NLGN4X: variants seen among roughly 807,000 people sequenced by gnomAD.
NLGN4X encodes the protein neuroligin-4, X-linked.
In NLGN4X, 3 loss-of-function variants were observed where a neutral mutation model predicts 40.3. That is an observed-to-expected ratio of 0.07 (90% CI 0.03 to 0.19). The LOEUF (loss-of-function observed/expected upper bound fraction) is 0.19. Among genes scored for constraint, NLGN4X ranks in the 10% least tolerant of loss-of-function variants. The pLI, the probability that NLGN4X is intolerant of heterozygous loss-of-function variation, is 1.00. For synonymous variants in NLGN4X, 270 were observed against 306.8 expected (o/e 0.88, Z 1.25); for missense variants, 382 against 708.3 (o/e 0.54, Z 5.23).
intron 5 of NLGN4X, among the ~76,000 whole-genome samples, chrX:5,895,789 T>C (rs183809954): frequency 8.9e-6 from 1 of 111,775 alleles, no homozygotes; most frequent in African/African-American, 3.2e-5. Flanking sequence ...AGTTTTCTTA[T>C]TTACTGATAA....
At chrX:6,002,552 T>C (rs2147131978) in intron 3 of NLGN4X, among the ~76,000 whole-genome samples, 1 of 112,545 alleles carries the variant, frequency 8.9e-6, no homozygotes, top group African/African-American at 3.2e-5. Flanking sequence ...ATTAAACGTT[T>C]TTGAACTTCC....
At chrX:6,062,573 T>A (rs2037797599) in intron 2 of NLGN4X, among the ~76,000 whole-genome samples, 1 of 111,483 alleles carries the variant, frequency 9.0e-6, no homozygotes, top group Non-Finnish European at 1.9e-5. Flanking sequence ...ATCTTACTGC[T>A]TGATATGGTT....
At chrX:6,145,849 G>A (rs188694626) in intron 2 of NLGN4X, among the ~76,000 whole-genome samples, 4 of 111,229 alleles carry the variant, frequency 3.6e-5, no homozygotes, top group Non-Finnish European at 7.5e-5. Context: ...TGGGCCCAGT[G>A]CAATGGCTTA....
chrX:6,100,141 T>C (rs772613223), intron 2 of NLGN4X, among the ~76,000 whole-genome samples: 1 of 112,882 alleles, frequency 8.9e-6, no homozygotes, highest in Non-Finnish European at 1.9e-5. Context: ...AGCAGGAGCA[T>C]GTCCTTAAGG....
In NLGN4X at chrX:5,935,762, T is replaced by C. The variant is rs193002671; in HGVS notation, c.626-26523A>G. ...CATATATCAGTGAACACAAATAAAC[T>C]ACAGCTCCAAGCATCTTCATGGTTA... On this transcript the variant is annotated intron_variant, in intron 3 of 5. Coordinates refer to ENST00000381095, the MANE Select transcript of NLGN4X (RefSeq NM_181332.3). 3.2e-3 allele frequency among the ~76,000 whole-genome samples: 362 copies of C among 111,700 alleles called. 3 individuals are homozygous for C. Among genetic ancestry groups the C allele is most frequent in the Non-Finnish European group, 5.4e-3 (287 of 53,070 alleles).
At chrX:6,126,094 C>T (rs1187649315) in intron 2 of NLGN4X, among the ~76,000 whole-genome samples, 1 of 110,706 alleles carries the variant, frequency 9.0e-6, no homozygotes, top group African/African-American at 3.3e-5. Context: ...AATCATATAA[C>T]CAGCTGTAGA....
In NLGN4X at chrX:6,151,586, C is replaced by A; in HGVS notation, c.-120G>T. The A allele has an allele frequency of 3.4e-6, 2 of 585,265 alleles. No homozygotes were observed. The highest frequency in any genetic ancestry group is 3.6e-5 in the East Asian group (1 of 28,102). 48.2% of individuals were successfully genotyped at this position (585,265 alleles called of 1,213,427 possible). A position where few individuals can be genotyped will look rare whatever the true frequency, so the allele number is the denominator to read the frequency against. ...CAGGGAGCAGTAGACCTGGGAGAGA[C>A]TCTCAGACTGATCACAGACAGAGCC... On this transcript the variant is annotated 5_prime_UTR_variant, in exon 2 of 6. Coordinates refer to ENST00000381095, the MANE Select transcript of NLGN4X (RefSeq NM_181332.3).
chrX:6,187,802 G>A, intron 1 of NLGN4X: 1 of 111,791 alleles, frequency 8.9e-6, no homozygotes. Flanking sequence ...GGTGAGAGAG[G>A]AATCAGGAAA....
chrX:5,950,210 A>G (rs1490078362), intron 3 of NLGN4X, among the ~76,000 whole-genome samples: 3 of 111,809 alleles, frequency 2.7e-5, no homozygotes, highest in African/African-American at 9.7e-5. Context: ...CTAGCCAATA[A>G]CCACATGTGG....
chrX:6,224,999 TATATATATATATACACAC>T (rs1569308872), intron 1 of NLGN4X, among the ~76,000 whole-genome samples: 1 of 53,821 alleles, frequency 1.9e-5, no homozygotes, highest in East Asian at 3.9e-4. Context: ...TATATATATA[TATATATATATATACACAC>T]ACACACACAT....
intron 2 of NLGN4X, among the ~76,000 whole-genome samples, chrX:6,036,392 G>A (rs2037005965): frequency 9.0e-6 from 1 of 111,433 alleles, no homozygotes; most frequent in Non-Finnish European, 1.9e-5. Context: ...CCTGTTCTAC[G>A]TATATTTAAT....
intron 2 of NLGN4X, among the ~76,000 whole-genome samples, chrX:6,088,059 G>A (rs1303869311): frequency 2.7e-5 from 3 of 112,144 alleles, no homozygotes; most frequent in Admixed American, 1.9e-4. Context: ...AGAGTGCACC[G>A]TGGGGCACGC....
At chrX:5,979,087 GCTC>G (rs1292584865) in intron 3 of NLGN4X, among the ~76,000 whole-genome samples, 44 of 110,702 alleles carry the variant, frequency 4.0e-4, no homozygotes, top group African/African-American at 1.4e-3. Flanking sequence ...TATATCTCTT[GCTC>G]CTCCTCCTCA....
At chrX:5,967,662 T>C (rs771798633) in intron 3 of NLGN4X, among the ~76,000 whole-genome samples, 1 of 111,772 alleles carries the variant, frequency 8.9e-6, no homozygotes, top group Admixed American at 9.5e-5. Context: ...GGTTATTTTT[T>C]TAATTTGCAT....
chrX:6,074,816 C>T (rs2038155273), intron 2 of NLGN4X, among the ~76,000 whole-genome samples: 1 of 111,039 alleles, frequency 9.0e-6, no homozygotes, highest in South Asian at 3.9e-4. Context: ...TTGAAAGAAC[C>T]ATCAAAATTA....
chrX:6,216,346 T>C (rs1359784052), intron 1 of NLGN4X, among the ~76,000 whole-genome samples: 2 of 112,141 alleles, frequency 1.8e-5, no homozygotes, highest in African/African-American at 6.5e-5. Flanking sequence ...CTGGCTTCAC[T>C]GAACATAATT....
chrX:5,916,847 C>T (rs942029155), intron 3 of NLGN4X, among the ~76,000 whole-genome samples: 2 of 112,048 alleles, frequency 1.8e-5, no homozygotes, highest in Non-Finnish European at 3.8e-5. Flanking sequence ...CGTTTTATTG[C>T]TAATATCTGT....
chrX:5,977,051 C>T (rs368529756), intron 3 of NLGN4X, among the ~76,000 whole-genome samples: 2 of 112,353 alleles, frequency 1.8e-5, no homozygotes, highest in South Asian at 3.7e-4. Context: ...CATACTGGAG[C>T]ATTAAATTCA....
rs1266708105 is a variant in NLGN4X at position 5,921,448 on chromosome X, CAG to C, written c.626-12211_626-12210del. Among the ~76,000 whole-genome samples the C allele has an allele frequency of 2.3e-4, 11 of 46,927 alleles. No individual in the cohort carries two copies. The South Asian group carries it at 2.9e-3, about 13-fold the overall frequency. The allele number at this position is 46,927 out of a possible 115,157, so 40.8% of individuals were successfully genotyped here. ...GAGAGAGAGAGAGGAGAGACAGAGACAGAGAGAGAGAGAGGCAGCCTAATACT... is the reference window on the plus strand; with the variant it reads ...GAGAGAGAGAGAGGAGAGACAGAGACAGAGAGAGAGAGGCAGCCTAATACT... On this transcript the variant is annotated intron_variant, in intron 3 of 5. Transcript: ENST00000381095.
Sources: allele counts gnomAD v4.1 joint callset (sites outside exome capture counted in the v4.1 genomes callset), GRCh38; gene constraint gnomAD v4.1.1; transcripts MANE v1.5; gene names NCBI Gene and HGNC (gene_info 2026-07-23, HGNC 2026-07-21).